The following CHD9 variants were observed in gnomAD, a reference collection of about 807,000 sequenced individuals.
CHD9 encodes the protein chromodomain helicase DNA binding protein 9.
In CHD9, 77 loss-of-function variants were observed where a neutral mutation model predicts 316.1. That is an observed-to-expected ratio of 0.24 (90% CI 0.20 to 0.29). The LOEUF (loss-of-function observed/expected upper bound fraction) is 0.29, where lower values mean the gene tolerates loss of function less well. Ranked by LOEUF, CHD9 falls within the 10% of genes least tolerant of loss-of-function variation. The pLI is 1.00. For synonymous variants in CHD9, 1,129 were observed against 1,158.3 expected, an observed-to-expected ratio of 0.97 and a Z score of 0.51; for missense variants, 2,763 against 3,438.1, an observed-to-expected ratio of 0.80 and a Z score of 4.91.
intron 3 of CHD9, among the ~76,000 whole-genome samples, chr16:53,214,702 G>A (rs1380345673): frequency 6.6e-6 from 1 of 151,986 alleles, no homozygotes; most frequent in Non-Finnish European, 1.5e-5. Flanking sequence ...TTTTAAGAAT[G>A]GTACCTTTAT....
chr16:53,201,987 C>A (rs763658707), intron 2 of CHD9, among the ~76,000 whole-genome samples: 1 of 151,818 alleles, frequency 6.6e-6, no homozygotes, highest in African/African-American at 2.4e-5. Flanking sequence ...GCCTCCCAAG[C>A]AACTCGGACT....
intron 1 of CHD9, among the ~76,000 whole-genome samples, chr16:53,090,728 G>A (rs570290558): frequency 2.0e-5 from 3 of 152,238 alleles, no homozygotes; most frequent in South Asian, 2.1e-4. Context: ...GTGGGTGTGC[G>A]GTGGCTTTCC....
intron 3 of CHD9, among the ~76,000 whole-genome samples, chr16:53,221,459 T>A (rs780761466): frequency 6.6e-6 from 1 of 152,192 alleles, no homozygotes; most frequent in Non-Finnish European, 1.5e-5. Flanking sequence ...TGGGGAGATT[T>A]TCCATTTTTA....
In CHD9 at chr16:53,064,462, A is replaced by C. The variant is rs1346537058; in HGVS notation, c.-165+9385A>C. ...GTGATTGGGGTGACTGACATGGCAA[A>C]GGGCAGCTTGAGAGTGACATCAAAA... is the stretch of plus-strand genomic sequence containing the variant. On this transcript the variant is annotated intron_variant, in intron 1 of 38. Coordinates refer to ENST00000447540, the MANE Select transcript of CHD9 (RefSeq NM_001308319.2). 2.6e-5 allele frequency among the ~76,000 whole-genome samples: 4 copies of C among 152,054 alleles called. No individual in the cohort carries two copies. The East Asian group carries it at 7.7e-4, about 29-fold the overall frequency.
chr16:53,237,881 T>C (rs1184848187), intron 11 of CHD9, among the ~76,000 whole-genome samples: 2 of 152,072 alleles, frequency 1.3e-5, no homozygotes, highest in Non-Finnish European at 2.9e-5. Context: ...GCAGCCACAA[T>C]TGAAAACCAG....
chr16:53,152,192 G>T (rs909442396), intron 1 of CHD9, among the ~76,000 whole-genome samples: 2 of 152,160 alleles, frequency 1.3e-5, no homozygotes, highest in African/African-American at 4.8e-5. Context: ...TATATTGGTT[G>T]TTGTCTGAGG....
chr16:53,202,393 T>C (rs1363373299), intron 2 of CHD9, among the ~76,000 whole-genome samples: 1 of 150,792 alleles, frequency 6.6e-6, no homozygotes, highest in East Asian at 1.9e-4. Context: ...TTTCTCTCTC[T>C]CTCTTTTTTT....
At chr16:53,184,969 G>A (rs1050660251) in intron 2 of CHD9, among the ~76,000 whole-genome samples, 1 of 152,124 alleles carries the variant, frequency 6.6e-6, no homozygotes, top group Non-Finnish European at 1.5e-5. Context: ...AGTTTCTTGA[G>A]GCCTCCCCAG....
In CHD9 at chr16:53,146,419, G is replaced by GTATGTATATATATATATATATATATA. The variant is rs59577921; in HGVS notation, c.-164-9504_-164-9503insGTATATATATATATATATATATATAT. Among the ~76,000 whole-genome samples the GTATGTATATATATATATATATATATA allele has an allele frequency of 4.8e-3, 368 of 76,636 alleles. 22 individuals carry two copies. Among genetic ancestry groups the GTATGTATATATATATATATATATATA allele is most frequent in the East Asian group, 0.023 (64 of 2,840 alleles). The allele number at this position is 76,636 out of a possible 152,430, so 50.3% of individuals were successfully genotyped here. ...AAAAAAAAATTGTGTGTGTGTGTATGTATATATATATATATATAATTAAAA... is the reference window on the plus strand; with the variant it reads ...AAAAAAAAATTGTGTGTGTGTGTATGTATGTATATATATATATATATATATATATATATATATATATATAATTAAAA... On this transcript the variant is annotated intron_variant, in intron 1 of 38. Coordinates refer to ENST00000447540, the MANE Select transcript of CHD9 (RefSeq NM_001308319.2).
chr16:53,302,383 T>C (rs536658437), intron 30 of CHD9, among the ~76,000 whole-genome samples: 35 of 152,352 alleles, frequency 2.3e-4, no homozygotes, highest in African/African-American at 7.9e-4. Flanking sequence ...ATTGAGGTCA[T>C]GCATTTTTGG....
intron 12 of CHD9, among the ~76,000 whole-genome samples, chr16:53,239,572 C>A (rs1490877076): frequency 6.6e-6 from 1 of 152,094 alleles, no homozygotes; most frequent in Non-Finnish European, 1.5e-5. Flanking sequence ...TCTCCTGGCA[C>A]CCTACACTAA....
chr16:53,101,248 C>T (rs1435521276), intron 1 of CHD9, among the ~76,000 whole-genome samples: 1 of 151,014 alleles, frequency 6.6e-6, no homozygotes, highest in East Asian at 1.9e-4. Flanking sequence ...ATCTTTTTTA[C>T]TCCAATCTCA....
chr16:53,101,876 G>A (rs976906399), intron 1 of CHD9, among the ~76,000 whole-genome samples: 9 of 152,088 alleles, frequency 5.9e-5, no homozygotes, highest in Non-Finnish European at 1.0e-4. Flanking sequence ...CAGGGAGTTG[G>A]GCATTTCCAT....
intron 19 of CHD9, among the ~76,000 whole-genome samples, chr16:53,259,478 C>T (rs1183842805): frequency 6.6e-6 from 1 of 151,942 alleles, no homozygotes; most frequent in Non-Finnish European, 1.5e-5. Context: ...CATGTTTAAT[C>T]GTTCCTCATG....
rs1845008008 is a variant in CHD9, at chr16:53,245,542, G to A, written c.3199-53G>A. ...TCTAATCATTGTAATTATTTTGTAT[G>A]TGTAATTAAATGCTCACTTATGTTA... is the stretch of plus-strand genomic sequence containing the variant. On this transcript the variant is annotated intron_variant, in intron 14 of 38. Coordinates refer to ENST00000447540, the MANE Select transcript of CHD9 (RefSeq NM_001308319.2). The surrounding 1 kb of genome is among the most constrained non-coding windows in gnomAD (Gnocchi z 4.1). 6.5e-7 allele frequency: 1 copy of A among 1,532,834 alleles called. No individual in the cohort carries two copies. Among genetic ancestry groups the A allele is most frequent in the South Asian group, 1.3e-5 (1 of 76,974 alleles). The allele number at this position is 1,532,834 out of a possible 1,614,324, so 95.0% of individuals were successfully genotyped here.
chr16:53,244,039 A>G (rs1683723434), intron 13 of CHD9, among the ~76,000 whole-genome samples: 1 of 152,182 alleles, frequency 6.6e-6, no homozygotes, highest in African/African-American at 2.4e-5. Flanking sequence ...GCAGATTCGC[A>G]GATACATATA....
At chr16:53,233,679 G>A (rs1349325457) in intron 10 of CHD9, among the ~76,000 whole-genome samples, 1 of 151,424 alleles carries the variant, frequency 6.6e-6, no homozygotes, top group Non-Finnish European at 1.5e-5. Context: ...TGTCCTTCTG[G>A]TGACCAGCCC....
At chr16:53,150,258 C>A (rs2040993080) in intron 1 of CHD9, among the ~76,000 whole-genome samples, 2 of 140,900 alleles carry the variant, frequency 1.4e-5, no homozygotes, top group Non-Finnish European at 3.1e-5. Context: ...TTCCTTCTTT[C>A]CTTTTCTGTA....
At chr16:53,302,407 G>GA (rs1328203580) in intron 30 of CHD9, among the ~76,000 whole-genome samples, 1 of 152,176 alleles carries the variant, frequency 6.6e-6, no homozygotes, top group Non-Finnish European at 1.5e-5. Flanking sequence ...GAGTGCCACA[G>GA]AAATGATGTG....
Sources: gnomAD v4.1 joint callset for allele counts (sites outside exome capture counted in the v4.1 genomes callset) on GRCh38, gnomAD v4.1.1 for gene constraint, Gnocchi (gnomAD v3.1) non-coding constraint, MANE v1.5 for transcripts, NCBI Gene and HGNC (gene_info 2026-07-23, HGNC 2026-07-21) for gene names.